The following EXOC6 variants were observed in gnomAD, a reference collection of about 807,000 sequenced individuals.
EXOC6 encodes the protein exocyst complex component 6.
Under a neutral mutation model 112.5 loss-of-function variants are expected in EXOC6, and 60 were observed. The observed-to-expected ratio is 0.53, with a 90% CI of 0.43 to 0.66. EXOC6 has a LOEUF of 0.66. EXOC6 is among the 30% of genes least tolerant of loss of function. EXOC6 has a pLI of 0.00. For synonymous variants in EXOC6, 295 were observed against 308.0 expected (o/e 0.96, Z 0.44); for missense variants, 855 against 957.1 (o/e 0.89, Z 1.41).
Position 92,940,360 on chromosome 10 carries a change from C to A in EXOC6, c.1213-367C>A, listed in dbSNP as rs1353963091. Among the ~76,000 whole-genome samples the A allele has an allele frequency of 2.0e-5, 3 of 152,084 alleles. 1 individual carries two copies. Among genetic ancestry groups the A allele is most frequent in the Non-Finnish European group, 1.5e-5 (1 of 67,952 alleles). ...GAAGCCAGCCTGTCTCAGACAGAATCCATTCCCTTTTCTTCTTGTATCCTT... is the reference window on the plus strand; with the variant it reads ...GAAGCCAGCCTGTCTCAGACAGAATACATTCCCTTTTCTTCTTGTATCCTT... On this transcript the variant is annotated intron_variant, in intron 12 of 21. Coordinates refer to ENST00000260762, the MANE Select transcript of EXOC6 (RefSeq NM_019053.6).
intron 17 of EXOC6, among the ~76,000 whole-genome samples, chr10:92,958,756 A>C (rs891030690): frequency 6.6e-6 from 1 of 152,206 alleles, no homozygotes; most frequent in Non-Finnish European, 1.5e-5. Flanking sequence ...GAAGAAGAAC[A>C]AAGTTGGAGG....
rs757024705 is a variant in EXOC6 at position 92,997,552 on chromosome 10, G to C, written c.2032G>C (p.Glu678Gln). 6.2e-7 allele frequency: 1 copy of C among 1,613,750 alleles called. No individual in the cohort carries two copies. Among genetic ancestry groups the C allele is most frequent in the Non-Finnish European group, 8.5e-7 (1 of 1,179,766 alleles). ...CTTAATGCAGATGCTACTGGACAGT[G>C]AGTTAAAACAAATAAGCATGGGAGC... ...TSLMQMLLDS[E>Q]LKQISMGAVQ... Residue 678 changes from glutamate (E) to glutamine (Q), a missense_variant, in exon 19 of 22, where the codon GAG (glutamate) becomes CAG (glutamine). By Grantham distance (29) the Glu-to-Gln change is conservative. Coordinates refer to ENST00000260762, the MANE Select transcript of EXOC6 (RefSeq NM_019053.6).
chr10:92,920,691 T>C (rs1851383447), intron 8 of EXOC6, among the ~76,000 whole-genome samples: 1 of 152,226 alleles, frequency 6.6e-6, no homozygotes, highest in Non-Finnish European at 1.5e-5. Flanking sequence ...AGTATTGGAG[T>C]CTTCAACTAT....
At chr10:92,945,062 G>A (rs1046872097) in intron 13 of EXOC6, among the ~76,000 whole-genome samples, 7 of 152,224 alleles carry the variant, frequency 4.6e-5, no homozygotes, top group East Asian at 3.9e-4. Flanking sequence ...GCGAGCCACT[G>A]TGCCTGGCCA....
chr10:92,926,821 C>T lies in EXOC6; in HGVS notation c.889-1518C>T, dbSNP rs73317313. On this transcript the variant is annotated intron_variant, in intron 8 of 21. Coordinates refer to ENST00000260762, the MANE Select transcript of EXOC6 (RefSeq NM_019053.6). The stretch of plus-strand genomic sequence containing the variant: ...GTTGCGGGGATTAAAGCGTGAGCTA[C>T]TGTGCCCGGCCCCATATTTTTTTAA... Among the ~76,000 whole-genome samples the T allele has an allele frequency of 5.0e-3, 756 of 152,292 alleles. 4 individuals carry two copies. Among genetic ancestry groups the T allele is most frequent in the African/African-American group, 0.017 (725 of 41,544 alleles).
rs745468180 is a variant in EXOC6, at chr10:92,893,468, T to C, written c.221T>C (p.Val74Ala). The change falls in exon 2 of 22, where the codon GTA becomes GCA. Residue 74 changes from valine (V) to alanine (A), a missense_variant. Around this residue, in one of 2 missense-constraint regions of EXOC6, gnomAD observed 405 missense variants for 393.6 expected, o/e 1.03. Transcript: ENST00000260762. The part of the protein sequence containing the change: ...KMCNFHHQGF[V>A]DAITELLKVR... ...TGTAATTTTCATCATCAGGGTTTTG[T>C]AGATGCTATTACAGAACTCCTTAAA... 2.2e-5 allele frequency: 36 copies of C among 1,613,000 alleles called. No homozygotes were observed. The highest frequency in any genetic ancestry group is 4.5e-5 in the East Asian group (2 of 44,782).
intron 1 of EXOC6, among the ~76,000 whole-genome samples, chr10:92,860,265 CTTTTTT>C (rs35900396): frequency 2.3e-5 from 2 of 88,000 alleles, no homozygotes; most frequent in East Asian, 3.6e-4. Context: ...ATCTCCACAA[CTTTTTT>C]TTTTTTTTTT....
rs148651550 is a variant in EXOC6 at position 92,910,172 on chromosome 10, C to T, written c.663+541C>T. On this transcript the variant is annotated intron_variant, in intron 6 of 21. Transcript: ENST00000260762. ...TGAGAAACAAAAAAACATGGGCTCA[C>T]GATAGTCATAGCATCTTTGTTCACA... is the stretch of plus-strand genomic sequence containing the variant. 3.3e-3 allele frequency among the ~76,000 whole-genome samples: 500 copies of T among 152,216 alleles called. 3 individuals are homozygous for T. The highest frequency in any genetic ancestry group is 0.011 in the African/African-American group (475 of 41,518).
At chr10:92,988,540 TTC>T (rs775116331) in intron 18 of EXOC6, among the ~76,000 whole-genome samples, 1 of 152,214 alleles carries the variant, frequency 6.6e-6, no homozygotes, top group Non-Finnish European at 1.5e-5. Context: ...TGCTAGATTA[TTC>T]TTTCTGAAGC....
intron 18 of EXOC6, among the ~76,000 whole-genome samples, chr10:92,974,870 C>T (rs1312660181): frequency 2.0e-5 from 3 of 152,222 alleles, no homozygotes; most frequent in South Asian, 4.1e-4. Flanking sequence ...ACTCAGTGCT[C>T]AATGGTGCCC....
intron 4 of EXOC6, among the ~76,000 whole-genome samples, chr10:92,899,251 G>A (rs1395393845): frequency 6.6e-6 from 1 of 152,098 alleles, no homozygotes; most frequent in African/African-American, 2.4e-5. Context: ...TAAAGTTCCA[G>A]TTCTATTTCA....
intron 17 of EXOC6, among the ~76,000 whole-genome samples, chr10:92,963,652 C>A (rs145799700): frequency 6.6e-6 from 1 of 151,434 alleles, no homozygotes; most frequent in African/African-American, 2.4e-5. Context: ...CTTACCTGGC[C>A]GATTTTTTAA....
intron 17 of EXOC6, among the ~76,000 whole-genome samples, chr10:92,966,444 C>G (rs1268840652): frequency 9.1e-6 from 1 of 110,108 alleles, no homozygotes; most frequent in Non-Finnish European, 1.8e-5. Flanking sequence ...CCCCTCCCCC[C>G]ACCCCACATC....
chr10:92,981,566 T>A (rs1842826469), intron 18 of EXOC6, among the ~76,000 whole-genome samples: 1 of 152,212 alleles, frequency 6.6e-6, no homozygotes, highest in Non-Finnish European at 1.5e-5. Context: ...AAATAGAAGA[T>A]ATGGAATGAT....
At chr10:92,988,090 T>C (rs998090780) in intron 18 of EXOC6, among the ~76,000 whole-genome samples, 1 of 152,214 alleles carries the variant, frequency 6.6e-6, no homozygotes, top group Non-Finnish European at 1.5e-5. Context: ...TCCTGAATGC[T>C]TTTTCTCTAC....
intron 5 of EXOC6, 139 bp downstream of exon 5, chr10:92,899,783 C>A: frequency 1.8e-6 from 1 of 568,614 alleles, no homozygotes; most frequent in Non-Finnish European, 3.0e-6. Context: ...AAAATTTGCG[C>A]ATCAGGATAA....
At chr10:92,935,734 C>G in intron 11 of EXOC6, 80 bp from the exon 12 acceptor site, 1 of 992,958 alleles carries the variant, frequency 1.0e-6, no homozygotes, top group Non-Finnish European at 1.5e-6. Flanking sequence ...TTATCAATTT[C>G]TTATTTCTTA....
rs549908202 is a variant in EXOC6, at chr10:93,045,947, G to C, written c.2170-10977G>C. Among the ~76,000 whole-genome samples, 3 of 152,336 alleles carry C rather than the reference G, an allele frequency of 2.0e-5. No individual in the cohort carries two copies. The South Asian group carries it at 6.2e-4, about 32-fold the overall frequency. On this transcript the variant is annotated intron_variant, in intron 20 of 21. Coordinates refer to ENST00000260762, the MANE Select transcript of EXOC6 (RefSeq NM_019053.6). Reference sequence around the variant, plus strand: ...ATTAAATCAATCAATAAATAGCCTAGTCTGGCTTTCAGAATAATTATAAAA... The same window carrying C: ...ATTAAATCAATCAATAAATAGCCTACTCTGGCTTTCAGAATAATTATAAAA...
intron 1 of EXOC6, among the ~76,000 whole-genome samples, chr10:92,852,028 C>T (rs986351896): frequency 2.0e-5 from 3 of 152,152 alleles, no homozygotes; most frequent in African/African-American, 7.2e-5. Context: ...GAGATTGTGC[C>T]ACTGCACTCC....
Sources: gnomAD v4.1 joint callset for allele counts (sites outside exome capture counted in the v4.1 genomes callset) on GRCh38, gnomAD v4.1.1 for gene constraint, gnomAD v4.1.1 regional missense constraint, MANE v1.5 for transcripts, NCBI Gene and HGNC (gene_info 2026-07-23, HGNC 2026-07-21) for gene names.